The following PCDH7 variants were observed in gnomAD, a reference collection of about 807,000 sequenced individuals.
PCDH7 encodes the protein protocadherin 7, also known as protocadherin-7.
Under a neutral mutation model 58.9 loss-of-function variants are expected in PCDH7, and 17 were observed. The observed-to-expected ratio is 0.29, with a 90% confidence interval of 0.20 to 0.43. The LOEUF (loss-of-function observed/expected upper bound fraction) is 0.43, where lower values mean the gene tolerates loss of function less well. Ranked by LOEUF, PCDH7 falls within the 20% of genes least tolerant of loss-of-function variation. The pLI is 1.00. For synonymous variants in PCDH7, 664 were observed against 616.4 expected (o/e 1.08, Z -1.14); for missense variants, 1,274 against 1,441.0 (o/e 0.88, Z 1.88).
intron 1 of PCDH7, among the ~76,000 whole-genome samples, chr4:30,756,232 G>A (rs1480503414): frequency 6.6e-6 from 1 of 152,118 alleles, no homozygotes. Flanking sequence ...GGTTTTGGGA[G>A]TGTAAGAACT....
At position 30,720,478 on chromosome 4, in the gene PCDH7, G is replaced by A. The variant is rs1025140934; in HGVS notation, c.-945G>A. On this transcript the variant is annotated 5_prime_UTR_variant, in exon 1 of 2. Transcript: ENST00000361762. The surrounding 1 kb of genome is among the most constrained non-coding windows in gnomAD (Gnocchi z 4.7). ...AACCCAAACTTGGGCACCGCACGGT[G>A]CGCACTGCTCAGCCTTCGCCCCCGT... 1 of 152,766 alleles carries A rather than the reference G, an allele frequency of 6.5e-6. No homozygotes were observed. Among genetic ancestry groups the A allele is most frequent in the Non-Finnish European group, 1.5e-5 (1 of 68,116 alleles). The allele number at this position is 152,766 out of a possible 1,614,324, so 9.5% of individuals were successfully genotyped here. A position where few individuals can be genotyped will look rare whatever the true frequency, so the allele number is the denominator to read the frequency against.
At chr4:31,063,239 G>A (rs1757828642) in intron 3 of PCDH7, among the ~76,000 whole-genome samples, 1 of 151,742 alleles carries the variant, frequency 6.6e-6, no homozygotes, top group Non-Finnish European at 1.5e-5. Context: ...ATATATGAAT[G>A]CCCTTTCCAT....
intron 2 of PCDH7, among the ~76,000 whole-genome samples, chr4:30,943,346 C>T (rs1746281452): frequency 6.6e-6 from 1 of 152,090 alleles, no homozygotes; most frequent in Non-Finnish European, 1.5e-5. Context: ...AAATACTTTG[C>T]ATATTTCATC....
chr4:30,773,465 C>T (rs1439501277), intron 1 of PCDH7, among the ~76,000 whole-genome samples: 1 of 151,678 alleles, frequency 6.6e-6, no homozygotes, highest in Non-Finnish European at 1.5e-5. Flanking sequence ...TTTTTCTTCT[C>T]TTTTTTTGGA....
At position 30,972,507 on chromosome 4, in the gene PCDH7, A is replaced by C. The variant is rs1158657333; in HGVS notation, c.*7+22292A>C. Among the ~76,000 whole-genome samples, 6 of 152,318 alleles carry C rather than the reference A, an allele frequency of 3.9e-5. No homozygotes were observed. In the East Asian group the frequency reaches 7.7e-4, roughly 20 times the overall value. ...ATGAAGTGAGCCAGCCCTAAAATTC[A>C]GAGTCAATTTCTGGTCCAGGTACAC... On this transcript the variant is annotated intron_variant, in intron 3 of 3. Transcript: ENST00000509759.
intron 3 of PCDH7, among the ~76,000 whole-genome samples, chr4:31,119,070 T>A (rs1717339365): frequency 6.6e-6 from 1 of 152,262 alleles, no homozygotes; most frequent in African/African-American, 2.4e-5. Flanking sequence ...AAGACCATAG[T>A]TTTTCATTAA....
chr4:30,999,675 G>T (rs1307523149), intron 3 of PCDH7, among the ~76,000 whole-genome samples: 1 of 152,036 alleles, frequency 6.6e-6, no homozygotes, highest in Non-Finnish European at 1.5e-5. Context: ...AAATAGCAAT[G>T]CACTGTAATG....
intron 3 of PCDH7, among the ~76,000 whole-genome samples, chr4:30,991,785 G>T (rs28621782): frequency 0.08 from 12,143 of 151,896 alleles, 1,623 homozygotes; most frequent in African/African-American, 0.28. Flanking sequence ...TTAAAGTATT[G>T]CTTAAAATTA....
At chr4:30,747,731 C>A (rs1327312729) in intron 1 of PCDH7, among the ~76,000 whole-genome samples, 1 of 152,174 alleles carries the variant, frequency 6.6e-6, no homozygotes, top group Non-Finnish European at 1.5e-5. Context: ...CTTAATTCTC[C>A]TTTGCCATGT....
intron 1 of PCDH7, among the ~76,000 whole-genome samples, chr4:30,790,284 A>G (rs971228559): frequency 1.3e-5 from 2 of 152,206 alleles, no homozygotes; most frequent in African/African-American, 2.4e-5. Flanking sequence ...CTCCTGAAGA[A>G]GATACTATTA....
chr4:30,765,702 G>A (rs1035160914), intron 1 of PCDH7, among the ~76,000 whole-genome samples: 1 of 152,184 alleles, frequency 6.6e-6, no homozygotes, highest in African/African-American at 2.4e-5. Flanking sequence ...AGTATGCAAT[G>A]TGCCTCTGTA....
intron 1 of PCDH7, among the ~76,000 whole-genome samples, chr4:30,832,232 C>G (rs963480130): frequency 1.3e-5 from 2 of 152,114 alleles, no homozygotes; most frequent in African/African-American, 4.8e-5. Flanking sequence ...TCCCGTGACT[C>G]CACTGTTGAA....
At chr4:30,982,813 G>T (rs1750681244) in intron 3 of PCDH7, among the ~76,000 whole-genome samples, 1 of 152,122 alleles carries the variant, frequency 6.6e-6, no homozygotes, top group Admixed American at 6.6e-5. Flanking sequence ...AGAACGGGAA[G>T]AACACTTGAA....
At chr4:31,088,995 T>G (rs1712859132) in intron 3 of PCDH7, among the ~76,000 whole-genome samples, 1 of 152,104 alleles carries the variant, frequency 6.6e-6, no homozygotes, top group Non-Finnish European at 1.5e-5. Context: ...CTTTACTTCC[T>G]AATATGGTGT....
chr4:30,975,886 C>A (rs1750022854), intron 3 of PCDH7, among the ~76,000 whole-genome samples: 1 of 152,194 alleles, frequency 6.6e-6, no homozygotes, highest in South Asian at 2.1e-4. Context: ...TAACCACAAC[C>A]CTTAACAGCA....
rs552630563 is a variant in PCDH7 at position 30,867,812 on chromosome 4, A to G, written c.71-52341A>G. On this transcript the variant is annotated intron_variant, in intron 1 of 3. Coordinates refer to the PCDH7 transcript ENST00000509759. ...TTCATTCTGATGGTAGGGCTATTCA[A>G]AAGAGATACTTGCATTTTATCAGAG... Among the ~76,000 whole-genome samples the G allele has an allele frequency of 2.6e-5, 4 of 152,190 alleles. No individual in the cohort carries two copies. The East Asian group carries it at 7.8e-4, about 30-fold the overall frequency.
At chr4:30,939,843 A>T (rs1162775923) in intron 2 of PCDH7, among the ~76,000 whole-genome samples, 1 of 152,108 alleles carries the variant, frequency 6.6e-6, no homozygotes, top group Non-Finnish European at 1.5e-5. Flanking sequence ...ATGTAGGAAA[A>T]CTTAAAATAA....
At chr4:31,121,037 C>T (rs1717630307) in intron 3 of PCDH7, among the ~76,000 whole-genome samples, 1 of 152,106 alleles carries the variant, frequency 6.6e-6, no homozygotes, top group Non-Finnish European at 1.5e-5. Context: ...TAAATGCATG[C>T]CACTCATAAT....
chr4:30,959,593 T>G (rs941705821), intron 3 of PCDH7, among the ~76,000 whole-genome samples: 2 of 152,170 alleles, frequency 1.3e-5, no homozygotes, highest in African/African-American at 2.4e-5. Flanking sequence ...AATATAATAC[T>G]TATAAGTAAA....
Sources: gnomAD v4.1 joint callset for allele counts (sites outside exome capture counted in the v4.1 genomes callset) on GRCh38, gnomAD v4.1.1 for gene constraint, Gnocchi (gnomAD v3.1) non-coding constraint, MANE v1.5 for transcripts, NCBI Gene and HGNC (gene_info 2026-07-23, HGNC 2026-07-21) for gene names.